The following ING3 variants were observed in gnomAD, a reference collection of about 807,000 sequenced individuals.
ING3 encodes the protein inhibitor of growth protein 3.
ING3 carries 6 observed loss-of-function variants against 64.8 expected under a neutral mutation model. The ratio of observed to expected loss-of-function variants is 0.09; its 90% CI spans 0.05 to 0.18. The LOEUF (loss-of-function observed/expected upper bound fraction) is 0.18, where lower values mean the gene tolerates loss of function less well. Ranked by LOEUF, ING3 falls within the 10% of genes least tolerant of loss-of-function variation. The pLI is 1.00. For synonymous variants in ING3, 170 were observed against 173.7 expected, an observed-to-expected ratio of 0.98 and a Z score of 0.17; for missense variants, 310 against 489.7, an observed-to-expected ratio of 0.63 and a Z score of 3.46.
intron 8 of ING3, 43 bp downstream of exon 8, chr7:120,968,134 G>C: frequency 1.3e-6 from 2 of 1,517,392 alleles, no homozygotes; most frequent in Non-Finnish European, 1.8e-6. Flanking sequence ...ACATTTTGTC[G>C]GAATCATTGG....
chr7:120,965,839 T>A (rs1401614405), intron 5 of ING3, among the ~76,000 whole-genome samples: 1 of 152,194 alleles, frequency 6.6e-6, no homozygotes, highest in Non-Finnish European at 1.5e-5. Context: ...GAACCCTATA[T>A]AAAGATAATA....
intron 10 of ING3, among the ~76,000 whole-genome samples, chr7:120,971,153 A>G (rs1037913870): frequency 6.6e-6 from 1 of 152,168 alleles, no homozygotes; most frequent in African/African-American, 2.4e-5. Context: ...TGCCTTAATA[A>G]AATACAACAG....
At position 120,967,930 on chromosome 7, in the gene ING3, A is replaced by G. The variant is rs763403433; in HGVS notation, c.557-4A>G. ...ATTTTTATTTCTTTTTTACATCTAC[A>G]CAGGTTGTCGAAATAATAATTCCAC... On this transcript the variant is annotated splice_polypyrimidine_tract_variant and splice_region_variant and intron_variant, in intron 7 of 11. Coordinates refer to ENST00000315870, the MANE Select transcript of ING3 (RefSeq NM_019071.3). 5 of 1,613,926 alleles carry G rather than the reference A, an allele frequency of 3.1e-6. No homozygotes were observed. Among genetic ancestry groups the G allele is most frequent in the South Asian group, 2.2e-5 (2 of 91,078 alleles).
rs561941725 is a variant in ING3, at chr7:120,956,148, C to A, written c.267+524C>A. 16 of 1,582,582 alleles carry A rather than the reference C, an allele frequency of 1.0e-5. No homozygotes were observed. In the African/African-American group the frequency reaches 1.9e-4, roughly 19 times the overall value. On this transcript the variant is annotated intron_variant, in intron 4 of 11. Coordinates refer to ENST00000315870, the MANE Select transcript of ING3 (RefSeq NM_019071.3). ...AAGATGACAAACTTTAAACAAGATT[C>A]TTTTTTTGCAGCAGCACTTCTAAAA...
intron 4 of ING3, among the ~76,000 whole-genome samples, chr7:120,962,788 G>A (rs73429874): frequency 0.014 from 2,172 of 151,316 alleles, 21 homozygotes; most frequent in African/African-American, 0.03. Context: ...TACCTCCTTC[G>A]TGTCTACCAG....
intron 3 of ING3, 131 bp downstream of exon 3, chr7:120,953,535 T>A (rs1795799483): frequency 1.7e-6 from 1 of 588,486 alleles, no homozygotes; most frequent in Non-Finnish European, 3.0e-6. Context: ...ATATAAATAA[T>A]TTATTGTGGT....
At chr7:120,958,756 A>T (rs984805598) in intron 4 of ING3, among the ~76,000 whole-genome samples, 15 of 152,210 alleles carry the variant, frequency 9.9e-5, no homozygotes, top group Non-Finnish European at 2.1e-4. Context: ...GCATTTAAAC[A>T]TGCTCAGGTC....
chr7:120,974,722 T>G lies in ING3; in HGVS notation c.1141-6T>G. On this transcript the variant is annotated splice_polypyrimidine_tract_variant and splice_region_variant and intron_variant, in intron 11 of 11. Transcript: ENST00000315870. The stretch of plus-strand genomic sequence containing the variant: ...AAAACTTGTTTTTTGCAATTTTGCT[T>G]TCTAGTGCCCTATAGAATGGTTCCA... The G allele has an allele frequency of 6.2e-7, 1 of 1,605,816 alleles. No homozygotes were observed. Among genetic ancestry groups the G allele is most frequent in the Non-Finnish European group, 8.5e-7 (1 of 1,174,102 alleles).
intron 9 of ING3, among the ~76,000 whole-genome samples, 198 bp from the exon 10 acceptor site, chr7:120,970,490 T>A (rs1796056712): frequency 6.6e-6 from 1 of 151,584 alleles, no homozygotes. Flanking sequence ...ATACAAATAA[T>A]GTCTGTAAAG....
intron 4 of ING3, among the ~76,000 whole-genome samples, chr7:120,961,301 TTTC>T (rs938558980): frequency 5.3e-5 from 8 of 152,312 alleles, no homozygotes; most frequent in East Asian, 1.9e-4. Flanking sequence ...GCTATCATGG[TTTC>T]TTCTTCTTCC....
chr7:120,956,787 A>T (rs1363749636), intron 4 of ING3: 1 of 977,420 alleles, frequency 1.0e-6, no homozygotes. Flanking sequence ...GTTTAGTAAC[A>T]TTCTTCCTCA....
In ING3 at chr7:120,975,618, C is replaced by G. The variant is rs1018872811; in HGVS notation, c.*774C>G. The G allele has an allele frequency of 6.6e-6, 1 of 152,002 alleles. No homozygotes were observed. The highest frequency in any genetic ancestry group is 2.4e-5 in the African/African-American group (1 of 41,374). The allele number at this position is 152,002 out of a possible 1,614,324, so 9.4% of individuals were successfully genotyped here. A position where few individuals can be genotyped will look rare whatever the true frequency, so the allele number is the denominator to read the frequency against. ...TTTGTGCAAGTAATCCTTAAAATTGCAATTGTATTAGGTGTTAAAATAAAG... is the reference window on the plus strand; with the variant it reads ...TTTGTGCAAGTAATCCTTAAAATTGGAATTGTATTAGGTGTTAAAATAAAG... On this transcript the variant is annotated 3_prime_UTR_variant, in exon 12 of 12. Coordinates refer to ENST00000315870, the MANE Select transcript of ING3 (RefSeq NM_019071.3).
chr7:120,974,789 G>T lies in ING3; in HGVS notation c.1202G>T (p.Trp401Leu). 6.2e-7 allele frequency: 1 copy of T among 1,612,994 alleles called. No homozygotes were observed. Among genetic ancestry groups the T allele is most frequent in the South Asian group, 1.1e-5 (1 of 91,022 alleles). Residue 401 changes from tryptophan to leucine, a missense_variant, in exon 12 of 12, where the codon TGG becomes TTG. Transcript: ENST00000315870. ...TTGACAGAGGCACCAAAAGGCAAATGGTACTGTCCACAGTGCACTGCTGCA... is the reference window on the plus strand; with the variant it reads ...TTGACAGAGGCACCAAAAGGCAAATTGTACTGTCCACAGTGCACTGCTGCA... ...VGLTEAPKGK[W>L]YCPQCTAAMK... is the part of the protein sequence containing the mutation.
In ING3 at chr7:120,968,800, C is replaced by T. The variant is rs13245182; in HGVS notation, c.715-211C>T. Among the ~76,000 whole-genome samples, 236 of 140,462 alleles carry T rather than the reference C, an allele frequency of 1.7e-3. 6 individuals carry two copies. In the South Asian group the frequency reaches 0.051, roughly 30 times the overall value. The allele number at this position is 140,462 out of a possible 152,430, so 92.1% of individuals were successfully genotyped here. The stretch of plus-strand genomic sequence containing the variant: ...GGTGGAGGTTGCAGCGAGCCAAAAT[C>T]GTGCCACTAGACTCCAGCCCAAGCG... On this transcript the variant is annotated intron_variant, in intron 8 of 11. Coordinates refer to ENST00000315870, the MANE Select transcript of ING3 (RefSeq NM_019071.3).
rs533112940 is a variant in ING3 at position 120,958,238 on chromosome 7, C to T, written c.267+2614C>T. Among the ~76,000 whole-genome samples the T allele has an allele frequency of 2.0e-5, 3 of 151,578 alleles. No homozygotes were observed. In the East Asian group the frequency reaches 5.8e-4, roughly 29 times the overall value. On this transcript the variant is annotated intron_variant, in intron 4 of 11. Transcript: ENST00000315870. Reference sequence around the variant, plus strand: ...TTCTTTTTCCCTTTCTCCTTCCCTGCCTTTCTTTTTAAATACTTTAATCCT... The same window carrying T: ...TTCTTTTTCCCTTTCTCCTTCCCTGTCTTTCTTTTTAAATACTTTAATCCT...
chr7:120,966,296 C>A (rs991644415), intron 5 of ING3, among the ~76,000 whole-genome samples: 1 of 152,128 alleles, frequency 6.6e-6, no homozygotes, highest in African/African-American at 2.4e-5. Context: ...TTGACTCTTA[C>A]CAGTAATGAG....
chr7:120,951,290 G>A (rs1455123477), intron 2 of ING3, 55 bp downstream of exon 2: 5 of 1,524,170 alleles, frequency 3.3e-6, no homozygotes, highest in Non-Finnish European at 4.5e-6. Flanking sequence ...TGCCAGACTT[G>A]CTTGTCATCA....
intron 4 of ING3, among the ~76,000 whole-genome samples, chr7:120,958,067 C>T (rs1795877726): frequency 6.6e-6 from 1 of 152,172 alleles, no homozygotes; most frequent in African/African-American, 2.4e-5. Context: ...CCACTGCTTC[C>T]CTTTCAACTC....
chr7:120,951,359 G>A lies in ING3; in HGVS notation c.100+124G>A. 3.4e-6 allele frequency: 3 copies of A among 874,554 alleles called. No homozygotes were observed. In the South Asian group the frequency reaches 4.6e-5, roughly 13 times the overall value. The allele number at this position is 874,554 out of a possible 1,614,324, so 54.2% of individuals were successfully genotyped here. On this transcript the variant is annotated intron_variant, in intron 2 of 11. Transcript: ENST00000315870. Reference sequence around the variant, plus strand: ...GGCTCACTCCGCTAGTGCATAAGGAGTTGTCAAAAAGAACTGGCAGCCCTG... The same window carrying A: ...GGCTCACTCCGCTAGTGCATAAGGAATTGTCAAAAAGAACTGGCAGCCCTG...
Sources: allele counts gnomAD v4.1 joint callset (sites outside exome capture counted in the v4.1 genomes callset), GRCh38; gene constraint gnomAD v4.1.1; transcripts MANE v1.5; gene names NCBI Gene and HGNC (gene_info 2026-07-23, HGNC 2026-07-21).